Variants in LPXN observed in about 807,000 individuals in gnomAD.
LPXN encodes leupaxin.
A neutral mutation model predicts 45.6 loss-of-function variants in LPXN; 28 were observed. That is an observed-to-expected ratio of 0.61 (90% CI 0.45 to 0.84). The LOEUF (loss-of-function observed/expected upper bound fraction) is 0.84. Ranked by LOEUF, LPXN falls within the 40% of genes least tolerant of loss-of-function variation. The pLI is 0.00. For missense variants in LPXN, 459 were observed against 475.0 expected (o/e 0.97, Z 0.31); for synonymous variants, 166 against 169.9 (o/e 0.98, Z 0.18).
rs116114065 is a variant in LPXN at position 58,567,665 on chromosome 11, C to G, written c.171+2891G>C. Among the ~76,000 whole-genome samples the G allele has an allele frequency of 8.3e-3, 1,259 of 152,282 alleles. 14 individuals carry two copies. Among genetic ancestry groups the G allele is most frequent in the African/African-American group, 0.029 (1,199 of 41,550 alleles). ...AATTATTAACTTTGGAAATAGATGC[C>G]AAAGCTGCTTCACCATATTTGTACC... On this transcript the variant is annotated intron_variant, in intron 2 of 8. Transcript: ENST00000395074.
chr11:58,566,977 T>C (rs1854544509), intron 2 of LPXN, among the ~76,000 whole-genome samples: 1 of 152,078 alleles, frequency 6.6e-6, no homozygotes, highest in Non-Finnish European at 1.5e-5. Flanking sequence ...AGAAAAGTTT[T>C]GTAGATCAGT....
At chr11:58,543,483 C>T (rs1223480892) in intron 7 of LPXN, among the ~76,000 whole-genome samples, 1 of 152,160 alleles carries the variant, frequency 6.6e-6, no homozygotes, top group East Asian at 1.9e-4. Context: ...ATTTATGGAT[C>T]ATCTGCATTG....
At chr11:58,573,132 C>G (rs947173459) in intron 1 of LPXN, among the ~76,000 whole-genome samples, 2 of 151,744 alleles carry the variant, frequency 1.3e-5, no homozygotes, top group Non-Finnish European at 2.9e-5. Flanking sequence ...GCAATCCCAG[C>G]TACTCAGGAA....
At chr11:58,574,677 C>T (rs1313310774) in intron 1 of LPXN, among the ~76,000 whole-genome samples, 1 of 152,106 alleles carries the variant, frequency 6.6e-6, no homozygotes, top group African/African-American at 2.4e-5. Flanking sequence ...TAGAATTCTA[C>T]CCCAAGTCCA....
At chr11:58,563,032 A>G (rs1235483153) in intron 3 of LPXN, among the ~76,000 whole-genome samples, 1 of 152,210 alleles carries the variant, frequency 6.6e-6, no homozygotes, top group African/African-American at 2.4e-5. Flanking sequence ...TAGTATTGGT[A>G]CACCATCAGT....
intron 4 of LPXN, among the ~76,000 whole-genome samples, chr11:58,552,359 C>A (rs1282844198): frequency 6.6e-6 from 1 of 151,896 alleles, no homozygotes; most frequent in African/African-American, 2.4e-5. Context: ...AACCTCATAA[C>A]CTGATTCTGG....
intron 7 of LPXN, among the ~76,000 whole-genome samples, chr11:58,533,023 C>CT: frequency 6.6e-6 from 1 of 151,492 alleles, no homozygotes; most frequent in East Asian, 1.9e-4. Flanking sequence ...GACGCACCGC[C>CT]TTAAGAGCTG....
At chr11:58,563,256 G>T (rs1416494911) in intron 3 of LPXN, among the ~76,000 whole-genome samples, 1 of 152,116 alleles carries the variant, frequency 6.6e-6, no homozygotes, top group Admixed American at 6.6e-5. Flanking sequence ...GGAGGGACTA[G>T]GAGGAATTCT....
chr11:58,544,042 G>GC (rs1199328291), intron 7 of LPXN, among the ~76,000 whole-genome samples: 1 of 152,020 alleles, frequency 6.6e-6, no homozygotes, highest in Non-Finnish European at 1.5e-5. Context: ...GAATTTTGAG[G>GC]CCTACAGATC....
rs147120818 is a variant in LPXN at position 58,574,637 on chromosome 11, A to G, written c.13+1123T>C. Among the ~76,000 whole-genome samples, 119 of 152,274 alleles carry G rather than the reference A, an allele frequency of 7.8e-4. 1 individual carries two copies. Among genetic ancestry groups the G allele is most frequent in the African/African-American group, 2.6e-3 (109 of 41,554 alleles). Reference sequence around the variant, plus strand: ...TACTAGAACTCAAGCAGAAATTCACATTCTCCCAGCACTCACGTAGGATAA... The same window carrying G: ...TACTAGAACTCAAGCAGAAATTCACGTTCTCCCAGCACTCACGTAGGATAA... On this transcript the variant is annotated intron_variant, in intron 1 of 8. Coordinates refer to ENST00000395074, the MANE Select transcript of LPXN (RefSeq NM_004811.3).
At chr11:58,578,519 G>A (rs1442881251), upstream of LPXN, among the ~76,000 whole-genome samples, 1 of 152,156 alleles carries the variant, frequency 6.6e-6, no homozygotes, top group African/African-American at 2.4e-5. Flanking sequence ...TCCGGCAACC[G>A]ACGGGGCTTT....
At chr11:58,567,774 A>C (rs1854567975) in intron 2 of LPXN, among the ~76,000 whole-genome samples, 1 of 152,216 alleles carries the variant, frequency 6.6e-6, no homozygotes, top group Non-Finnish European at 1.5e-5. Context: ...TGCACGTTGC[A>C]TATTCATTAT....
intron 2 of LPXN, among the ~76,000 whole-genome samples, chr11:58,564,656 C>T (rs1022359929): frequency 2.6e-5 from 4 of 152,042 alleles, no homozygotes; most frequent in African/African-American, 9.7e-5. Flanking sequence ...TATTGAGGGC[C>T]TGTCATGTGC....
intron 5 of LPXN, among the ~76,000 whole-genome samples, chr11:58,550,405 C>T (rs1854014243): frequency 6.6e-6 from 1 of 152,238 alleles, no homozygotes; most frequent in South Asian, 2.1e-4. Flanking sequence ...AACCACTGCA[C>T]TGCCACAGGG....
chr11:58,556,220 T>C (rs1590564301), intron 3 of LPXN, among the ~76,000 whole-genome samples: 1 of 151,990 alleles, frequency 6.6e-6, no homozygotes, highest in Non-Finnish European at 1.5e-5. Context: ...TATCCAAAAA[T>C]AGTTTGAAAT....
intron 3 of LPXN, among the ~76,000 whole-genome samples, chr11:58,563,142 T>C (rs1443005094): frequency 6.6e-6 from 1 of 152,242 alleles, no homozygotes; most frequent in African/African-American, 2.4e-5. Flanking sequence ...CTTGGTTTCC[T>C]AGATTTAAGA....
At position 58,550,093 on chromosome 11, in the gene LPXN, A is replaced by G. The variant is rs1043374166; in HGVS notation, c.540T>C (p.His180=). The change falls in exon 6 of 9, where the codon CAT becomes CAC. Residue 180 remains histidine, a synonymous_variant. Coordinates refer to ENST00000395074, the MANE Select transcript of LPXN (RefSeq NM_004811.3). ...SWHPEHFVCT[H]CKEEIGSSPF... ...GACTGGAGCCAATCTCTTCTTTGCA[A>G]TGAGTACAGACAAAATGCTCAGGAT... 1.2e-5 allele frequency: 20 copies of G among 1,614,088 alleles called. No homozygotes were observed. The African/African-American group carries it at 1.9e-4, about 15-fold the overall frequency.
chr11:58,575,795 T>G lies in LPXN; in HGVS notation c.-23A>C. ...CATTGTCCTACATCCAAGATGCTCT[T>G]GTCTCACAGGCCGTGAGGAACAGCT... is the stretch of plus-strand genomic sequence containing the variant. On this transcript the variant is annotated 5_prime_UTR_variant, in exon 1 of 9. Transcript: ENST00000395074. The G allele has an allele frequency of 6.2e-7, 1 of 1,612,982 alleles. No individual in the cohort carries two copies. The highest frequency in any genetic ancestry group is 8.5e-7 in the Non-Finnish European group (1 of 1,179,882).
In LPXN at chr11:58,527,252, T is replaced by C. The variant is rs1431997832; in HGVS notation, c.*202A>G. On this transcript the variant is annotated 3_prime_UTR_variant, in exon 9 of 9. Transcript: ENST00000395074. ...AGAAGAGAGGGAGAAAGAGAATTTA[T>C]AGAATTAACTGTATAGAAGCCTAAA... is the stretch of plus-strand genomic sequence containing the variant. 7 of 549,632 alleles carry C rather than the reference T, an allele frequency of 1.3e-5. No individual in the cohort carries two copies. The East Asian group carries it at 1.8e-4, about 14-fold the overall frequency. 34.0% of individuals were successfully genotyped at this position (549,632 alleles called of 1,614,324 possible). A position where few individuals can be genotyped will look rare whatever the true frequency, so the allele number is the denominator to read the frequency against.
Sources: allele counts gnomAD v4.1 joint callset (sites outside exome capture counted in the v4.1 genomes callset), GRCh38; gene constraint gnomAD v4.1.1; transcripts MANE v1.5; gene names NCBI Gene and HGNC (gene_info 2026-07-23, HGNC 2026-07-21).